The following TRIOBP variants were observed in gnomAD, a reference collection of about 807,000 sequenced individuals.
TRIOBP encodes TRIO and F-actin binding protein.
Under a neutral mutation model 238.8 loss-of-function variants are expected in TRIOBP, and 169 were observed. That is an observed-to-expected ratio of 0.71 (90% CI 0.62 to 0.80). The LOEUF is 0.80. Among genes scored for constraint, TRIOBP ranks in the 30% least tolerant of loss-of-function variants. The probability of loss-of-function intolerance (pLI) is 0.00; values close to 1 mark genes in which losing one functional copy is unlikely to be tolerated. For synonymous variants in TRIOBP, 1,150 were observed against 1,274.4 expected (o/e 0.90, Z 2.08); for missense variants, 2,838 against 3,122.6 (o/e 0.91, Z 2.17).
chr22:37,757,888 A>G lies in TRIOBP; in HGVS notation c.5963A>G (p.Lys1988Arg), dbSNP rs1005023909. The change falls in exon 16 of 24, where the codon AAG becomes AGG. Residue 1988 changes from lysine to arginine, a missense_variant. Transcript: ENST00000644935. ...DLAQRSEERR[K>R]WFEATDSRTP... ...GCCCAGCGCTCCGAGGAGCGGCGCA[A>G]GTGGTTTGAGGCCACAGACAGCAGG... The G allele has an allele frequency of 1.4e-5, 22 of 1,553,212 alleles. No individual in the cohort carries two copies. Among genetic ancestry groups the G allele is most frequent in the Non-Finnish European group, 1.9e-5 (22 of 1,148,738 alleles).
chr22:37,750,858 C>G (rs1255948629), intron 11 of TRIOBP: 2 of 412,836 alleles, frequency 4.8e-6, no homozygotes, highest in East Asian at 1.4e-4. Context: ...GCCATGCCAC[C>G]CGTTCTCTGC....
chr22:37,735,328 G>T lies in TRIOBP; in HGVS notation c.4992G>T (p.Trp1664Cys). ...GCCCTGCCTGCACCTCCACCCAGTG[G>T]CCAAAGATCAAAGTGACAAGAGGAC... ...LPSPACTSTQ[W>C]PKIKVTRGPA... The change falls in exon 9 of 24, where the codon TGG becomes TGT. Residue 1664 changes from tryptophan to cysteine, a missense_variant. Coordinates refer to ENST00000644935, the MANE Select transcript of TRIOBP (RefSeq NM_001039141.3). 1.2e-6 allele frequency: 2 copies of T among 1,613,258 alleles called. No individual in the cohort carries two copies. The highest frequency in any genetic ancestry group is 8.5e-7 in the Non-Finnish European group (1 of 1,179,764).
In TRIOBP at chr22:37,757,965, C is replaced by T. The variant is rs760677587; in HGVS notation, c.6040C>T (p.Leu2014=). 2.5e-6 allele frequency: 4 copies of T among 1,573,148 alleles called. No homozygotes were observed. Among genetic ancestry groups the T allele is most frequent in the Middle Eastern group, 3.4e-4 (2 of 5,928 alleles). The part of the protein sequence containing the change: ...EGPRRGLGAP[L]TEDQQNRLSE... ...GCCGCGCCGGGGCCTGGGTGCCCCC[C>T]TGACTGAGGACCAGCAAAACCGGCT... The change falls in exon 16 of 24, where the codon CTG becomes TTG. Residue 2014 remains leucine (L), a synonymous_variant. Coordinates refer to ENST00000644935, the MANE Select transcript of TRIOBP (RefSeq NM_001039141.3).
intron 5 of TRIOBP, 48 bp downstream of exon 5, chr22:37,713,459 A>T: frequency 6.3e-7 from 1 of 1,596,294 alleles, no homozygotes; most frequent in South Asian, 1.1e-5. Flanking sequence ...TCACACCTCC[A>T]TCTGCAGCCC....
intron 12 of TRIOBP, among the ~76,000 whole-genome samples, chr22:37,754,226 A>G (rs1046547488): frequency 6.6e-6 from 1 of 152,138 alleles, no homozygotes; most frequent in Non-Finnish European, 1.5e-5. Flanking sequence ...CCTGGCTGAC[A>G]TGATGAAACC....
intron 12 of TRIOBP, among the ~76,000 whole-genome samples, chr22:37,754,258 G>C (rs1925787986): frequency 6.6e-6 from 1 of 151,792 alleles, no homozygotes; most frequent in African/African-American, 2.4e-5. Flanking sequence ...AAAAATACAA[G>C]AAATTAGCTG....
chr22:37,772,057 A>G (rs1425312573), intron 22 of TRIOBP, among the ~76,000 whole-genome samples: 1 of 152,172 alleles, frequency 6.6e-6, no homozygotes, highest in African/African-American at 2.4e-5. Flanking sequence ...AATAACCCCA[A>G]ATCTCTGCTG....
intron 3 of TRIOBP, among the ~76,000 whole-genome samples, chr22:37,708,794 G>A (rs879792929): frequency 1.3e-5 from 2 of 152,218 alleles, no homozygotes; most frequent in African/African-American, 2.4e-5. Flanking sequence ...GATGGGGCCC[G>A]AGGTCCATCT....
intron 10 of TRIOBP, among the ~76,000 whole-genome samples, chr22:37,740,034 C>T (rs1482095007): frequency 2.0e-5 from 3 of 151,984 alleles, no homozygotes; most frequent in African/African-American, 7.3e-5. Flanking sequence ...ACAGGTGAGT[C>T]GGAGCGCCAT....
At chr22:37,746,530 C>A in intron 11 of TRIOBP, 2 of 989,974 alleles carry the variant, frequency 2.0e-6, no homozygotes, top group Non-Finnish European at 2.6e-6. Flanking sequence ...TTCCCGAAGG[C>A]GAGAGGAGGG....
At position 37,715,014 on chromosome 22, in the gene TRIOBP, T is replaced by C. The variant is rs545073733; in HGVS notation, c.457-749T>C. 2.0e-5 allele frequency among the ~76,000 whole-genome samples: 3 copies of C among 152,254 alleles called. No individual in the cohort carries two copies. In the South Asian group the frequency reaches 6.2e-4, roughly 32 times the overall value. ...TTTAGGAAGTGCTTTTTATTTTTTATTTAATTTTATTTATTTTTGAGATGG... is the reference window on the plus strand; with the variant it reads ...TTTAGGAAGTGCTTTTTATTTTTTACTTAATTTTATTTATTTTTGAGATGG... On this transcript the variant is annotated intron_variant, in intron 5 of 23. Transcript: ENST00000644935.
At chr22:37,736,808 G>T (rs2145844303) in intron 9 of TRIOBP, among the ~76,000 whole-genome samples, 1 of 151,962 alleles carries the variant, frequency 6.6e-6, no homozygotes, top group Admixed American at 6.6e-5. Context: ...TGTGTTTTTA[G>T]TAGAGATGGG....
chr22:37,743,945 G>A (rs1387336382), intron 11 of TRIOBP, among the ~76,000 whole-genome samples: 1 of 151,472 alleles, frequency 6.6e-6, no homozygotes, highest in Non-Finnish European at 1.5e-5. Context: ...GAACCATCAG[G>A]GGGTAGAAGG....
chr22:37,763,295 G>T (rs991782804), intron 17 of TRIOBP, among the ~76,000 whole-genome samples: 1 of 152,224 alleles, frequency 6.6e-6, no homozygotes, highest in African/African-American at 2.4e-5. Flanking sequence ...CTCAGAGGGG[G>T]CGAGGGGTTT....
intron 4 of TRIOBP, 145 bp downstream of exon 4, chr22:37,710,711 G>C: frequency 8.8e-7 from 1 of 1,135,494 alleles, no homozygotes; most frequent in South Asian, 1.6e-5. Flanking sequence ...CCTAGGCACA[G>C]GTGGGTGGTG....
At chr22:37,743,844 T>TGTGTGC (rs35321886) in intron 11 of TRIOBP, among the ~76,000 whole-genome samples, 8 of 110,218 alleles carry the variant, frequency 7.3e-5, no homozygotes, top group Non-Finnish European at 1.3e-4. Flanking sequence ...TGTGTGTGTG[T>TGTGTGC]GCTGGGTGTG....
At chr22:37,704,687 C>G (rs1351762751) in intron 3 of TRIOBP, among the ~76,000 whole-genome samples, 1 of 151,670 alleles carries the variant, frequency 6.6e-6, no homozygotes, top group Non-Finnish European at 1.5e-5. Flanking sequence ...ATTTCAGCTG[C>G]TTAGTAAAGG....
chr22:37,713,536 G>A (rs1923365534), intron 5 of TRIOBP, 125 bp downstream of exon 5: 2 of 1,268,368 alleles, frequency 1.6e-6, no homozygotes, highest in African/African-American at 1.5e-5. Flanking sequence ...AGGTCCTCTG[G>A]ACCATTAGCT....
At chr22:37,771,080 G>C (rs967750387) in intron 21 of TRIOBP, among the ~76,000 whole-genome samples, 4 of 152,190 alleles carry the variant, frequency 2.6e-5, no homozygotes, top group African/African-American at 9.7e-5. Flanking sequence ...TAATCTTCCT[G>C]ACAGCTCCAT....
Sources: gnomAD v4.1 joint callset for allele counts (sites outside exome capture counted in the v4.1 genomes callset) on GRCh38, gnomAD v4.1.1 for gene constraint, MANE v1.5 for transcripts, NCBI Gene and HGNC (gene_info 2026-07-23, HGNC 2026-07-21) for gene names.